Variants in THSD4 observed in about 807,000 individuals in gnomAD.
The protein encoded by THSD4 is thrombospondin type 1 domain containing 4.
In THSD4, 69 loss-of-function variants were observed where a neutral mutation model predicts 119.0. That is an observed-to-expected ratio of 0.58 (90% confidence interval 0.48 to 0.71). THSD4 has a LOEUF of 0.71. THSD4 is among the 30% of genes least tolerant of loss of function. THSD4 has a pLI of 0.00. For synonymous variants in THSD4, 524 were observed against 540.4 expected (o/e 0.97, Z 0.42); for missense variants, 1,393 against 1,391.1 (o/e 1.00, Z -0.02).
chr15:71,332,893 T>TTTTTTTTTG (rs1491144618), intron 6 of THSD4, among the ~76,000 whole-genome samples: 1 of 56,500 alleles, frequency 1.8e-5, no homozygotes, highest in African/African-American at 5.9e-5. Flanking sequence ...TTTTTTTACA[T>TTTTTTTTTG]TTTTTTTTTT....
At chr15:71,528,753 C>T (rs1445246735) in intron 7 of THSD4, among the ~76,000 whole-genome samples, 1 of 152,192 alleles carries the variant, frequency 6.6e-6, no homozygotes, top group Admixed American at 6.5e-5. Flanking sequence ...ACAGATTCAT[C>T]AGATTTCCTG....
chr15:71,723,548 A>G (rs958219854), intron 8 of THSD4, among the ~76,000 whole-genome samples: 6 of 152,234 alleles, frequency 3.9e-5, no homozygotes, highest in Non-Finnish European at 8.8e-5. Context: ...GGTGAGCACT[A>G]TGCTAGACTC....
intron 6 of THSD4, among the ~76,000 whole-genome samples, chr15:71,297,041 C>T (rs1363581460): frequency 1.3e-5 from 2 of 152,100 alleles, no homozygotes; most frequent in Non-Finnish European, 1.5e-5. Context: ...TTTTCATGAG[C>T]TTATTGCCCA....
rs538409740 is a variant in THSD4 at position 71,695,135 on chromosome 15, T to C, written c.1358-33414T>C. ...AACTCTGCTAGTCCCCAGAGGCCCT[T>C]CCACAGGCTGTGTCCCAATCTTTGC... On this transcript the variant is annotated intron_variant, in intron 8 of 17. Coordinates refer to ENST00000261862, the MANE Select transcript of THSD4 (RefSeq NM_024817.3). Among the ~76,000 whole-genome samples, 3 of 152,220 alleles carry C rather than the reference T, an allele frequency of 2.0e-5. No individual in the cohort carries two copies. In the East Asian group the frequency reaches 5.8e-4, roughly 29 times the overall value.
intron 6 of THSD4, among the ~76,000 whole-genome samples, chr15:71,338,941 GTCACCTCTGTT>G (rs1249975281): frequency 6.6e-6 from 1 of 152,110 alleles, no homozygotes; most frequent in Non-Finnish European, 1.5e-5. Flanking sequence ...TGTCCTAAAG[GTCACCTCTGTT>G]TCTATAGAAA....
intron 7 of THSD4, among the ~76,000 whole-genome samples, chr15:71,449,209 A>G (rs2047230495): frequency 6.6e-6 from 1 of 152,210 alleles, no homozygotes; most frequent in Admixed American, 6.5e-5. Context: ...GAAAAGGCTT[A>G]TATGTTGATT....
chr15:71,130,600 C>T (rs1462613176), intron 1 of THSD4, among the ~76,000 whole-genome samples: 1 of 152,306 alleles, frequency 6.6e-6, no homozygotes, highest in Middle Eastern at 3.4e-3. Context: ...AGTAGGCATA[C>T]TGTTTTAATT....
chr15:71,483,401 G>T (rs1280204185), intron 7 of THSD4, among the ~76,000 whole-genome samples: 1 of 152,006 alleles, frequency 6.6e-6, no homozygotes, highest in Admixed American at 6.6e-5. Context: ...CTCCTATCAA[G>T]GCTTGTTTGG....
intron 2 of THSD4, among the ~76,000 whole-genome samples, chr15:71,143,993 G>T (rs1381458302): frequency 1.3e-5 from 2 of 152,120 alleles, no homozygotes; most frequent in African/African-American, 4.8e-5. Context: ...GCCCACAGAA[G>T]GGAAATTAGC....
intron 7 of THSD4, among the ~76,000 whole-genome samples, chr15:71,575,996 TC>T (rs1419639331): frequency 6.6e-6 from 1 of 152,220 alleles, no homozygotes; most frequent in African/African-American, 2.4e-5. Flanking sequence ...CTAAATTTGT[TC>T]ATTTATATCA....
intron 7 of THSD4, among the ~76,000 whole-genome samples, chr15:71,626,430 AGT>A (rs2050511427): frequency 6.6e-6 from 1 of 152,114 alleles, no homozygotes; most frequent in Middle Eastern, 3.2e-3. Flanking sequence ...CTCTTTTGAG[AGT>A]GGTGGTTTCT....
At chr15:71,486,611 GTT>G (rs200120589) in intron 7 of THSD4, among the ~76,000 whole-genome samples, 25,309 of 128,634 alleles carry the variant, frequency 0.2, 1,485 homozygotes, top group African/African-American at 0.23. Context: ...TTTCTTTTCT[GTT>G]TTTTTTTTTT....
intron 7 of THSD4, among the ~76,000 whole-genome samples, chr15:71,478,243 A>G (rs1352537830): frequency 1.3e-5 from 2 of 152,250 alleles, no homozygotes; most frequent in South Asian, 2.1e-4. Context: ...TCTAGGAAGT[A>G]TATAAGCAGG....
chr15:71,477,362 AG>A (rs778710517), intron 7 of THSD4, among the ~76,000 whole-genome samples: 3 of 152,200 alleles, frequency 2.0e-5, no homozygotes, highest in Non-Finnish European at 2.9e-5. Context: ...AGTTGCCCAG[AG>A]GAGTCCAGAG....
At chr15:71,567,215 G>A (rs189234777) in intron 7 of THSD4, among the ~76,000 whole-genome samples, 1 of 152,264 alleles carries the variant, frequency 6.6e-6, no homozygotes, top group East Asian at 1.9e-4. Context: ...TAAGACCCCT[G>A]TTCACTAGAT....
intron 7 of THSD4, chr15:71,549,473 G>A (rs577016199): frequency 6.6e-6 from 1 of 152,320 alleles, no homozygotes; most frequent in Non-Finnish European, 1.5e-5. Context: ...ATGAAATGAT[G>A]AGGAAGGAGC....
Position 71,748,602 on chromosome 15 carries a change from T to G in THSD4, c.2415+8T>G, listed in dbSNP as rs2141175326. On this transcript the variant is annotated splice_region_variant and intron_variant, in intron 14 of 17. Coordinates refer to ENST00000261862, the MANE Select transcript of THSD4 (RefSeq NM_024817.3). ...ACCGAGTGGAGCGAAAGGGTGAGTG[T>G]GATGGCGGGCAGAGCGCCGGGGACC... 6.2e-7 allele frequency: 1 copy of G among 1,613,828 alleles called. No individual in the cohort carries two copies. Among genetic ancestry groups the G allele is most frequent in the Admixed American group, 1.7e-5 (1 of 60,008 alleles).
rs147509831 is a variant in THSD4 at position 71,706,601 on chromosome 15, C to G, written c.1358-21948C>G. On this transcript the variant is annotated intron_variant, in intron 8 of 17. Transcript: ENST00000261862. Reference sequence around the variant, plus strand: ...TAAAGACTGTAGCACCAGCTCCCTTCGGAGAGGAGAACCAGGAACTGGACC... The same window carrying G: ...TAAAGACTGTAGCACCAGCTCCCTTGGGAGAGGAGAACCAGGAACTGGACC... Among the ~76,000 whole-genome samples, 457 of 152,238 alleles carry G rather than the reference C, an allele frequency of 3.0e-3. 3 individuals are homozygous for G. The highest frequency in any genetic ancestry group is 0.01 in the African/African-American group (424 of 41,544).
intron 3 of THSD4, among the ~76,000 whole-genome samples, chr15:71,194,464 G>T (rs1395213631): frequency 6.6e-6 from 1 of 152,186 alleles, no homozygotes; most frequent in Non-Finnish European, 1.5e-5. Context: ...CACACTCAGG[G>T]TCGGGGCATG....
Sources: allele counts gnomAD v4.1 joint callset (sites outside exome capture counted in the v4.1 genomes callset), GRCh38; gene constraint gnomAD v4.1.1; transcripts MANE v1.5; gene names NCBI Gene and HGNC (gene_info 2026-07-23, HGNC 2026-07-21).